Variants in MCC observed in about 807,000 individuals in gnomAD.
MCC encodes the protein MCC regulator of Wnt signaling pathway.
A neutral mutation model predicts 116.2 loss-of-function variants in MCC; 90 were observed. The ratio of observed to expected loss-of-function variants is 0.77; its 90% CI spans 0.65 to 0.92. The LOEUF is 0.92. Ranked by LOEUF, MCC falls within the 40% of genes least tolerant of loss-of-function variation. The pLI, the probability that MCC is intolerant of heterozygous loss-of-function variation, is 0.00. For missense variants in MCC, 1,516 were observed against 1,312.2 expected, an observed-to-expected ratio of 1.16 and a Z score of -2.40; for synonymous variants, 578 against 510.5, an observed-to-expected ratio of 1.13 and a Z score of -1.78.
chr5:113,480,334 C>T (rs1434702738), intron 1 of MCC, among the ~76,000 whole-genome samples: 1 of 152,196 alleles, frequency 6.6e-6, no homozygotes, highest in East Asian at 1.9e-4. Context: ...TAACACAGTA[C>T]ATGGAACAAT....
intron 3 of MCC, among the ~76,000 whole-genome samples, chr5:113,200,402 T>G: frequency 6.6e-6 from 1 of 152,176 alleles, no homozygotes; most frequent in South Asian, 2.1e-4. Flanking sequence ...GACTTGACAG[T>G]GAACCACGAG....
At chr5:113,105,526 G>A (rs1756678455) in intron 6 of MCC, among the ~76,000 whole-genome samples, 1 of 152,032 alleles carries the variant, frequency 6.6e-6, no homozygotes, top group Non-Finnish European at 1.5e-5. Context: ...GTTCCTCCCC[G>A]ATCTCTCCCA....
At chr5:113,334,147 T>C (rs1767814332) in intron 3 of MCC, among the ~76,000 whole-genome samples, 1 of 148,290 alleles carries the variant, frequency 6.7e-6, no homozygotes, top group Non-Finnish European at 1.5e-5. Context: ...CTGCTGTATA[T>C]AGAAAGTGAA....
chr5:113,434,357 G>A lies in MCC; in HGVS notation c.171-49145C>T, dbSNP rs111560230. 144 of 1,613,870 alleles carry A rather than the reference G, an allele frequency of 8.9e-5. 2 individuals carry two copies. The African/African-American group carries it at 1.7e-3, about 19-fold the overall frequency. On this transcript the variant is annotated intron_variant, in intron 1 of 18. Coordinates refer to ENST00000408903, the MANE Select transcript of MCC (RefSeq NM_001085377.2). The surrounding 1 kb of genome is among the most constrained non-coding windows in gnomAD (Gnocchi z 4.2). ...CCATTCGACCACTGTCATCCCGCAGGCAGCGCTTGGAGAAGCTGAAGTCGG... is the reference window on the plus strand; with the variant it reads ...CCATTCGACCACTGTCATCCCGCAGACAGCGCTTGGAGAAGCTGAAGTCGG...
At chr5:113,207,828 C>A (rs978088445) in intron 3 of MCC, among the ~76,000 whole-genome samples, 4 of 152,120 alleles carry the variant, frequency 2.6e-5, no homozygotes, top group Non-Finnish European at 5.9e-5. Context: ...AACAAGATGT[C>A]CTTTGGTAAC....
chr5:113,291,269 G>A (rs1766484819), intron 3 of MCC, among the ~76,000 whole-genome samples: 1 of 152,128 alleles, frequency 6.6e-6, no homozygotes, highest in Admixed American at 6.5e-5. Flanking sequence ...TATCTCCCTA[G>A]TATCCAAGCA....
intron 1 of MCC, among the ~76,000 whole-genome samples, chr5:113,398,141 C>T (rs1769581872): frequency 6.6e-6 from 1 of 152,224 alleles, no homozygotes; most frequent in South Asian, 2.1e-4. Flanking sequence ...GAGGTACCAT[C>T]TCACACTAGT....
intron 3 of MCC, among the ~76,000 whole-genome samples, chr5:113,256,019 C>A (rs568941287): frequency 2.1e-4 from 32 of 152,332 alleles, no homozygotes; most frequent in Non-Finnish European, 3.2e-4. Context: ...AACAATGGCA[C>A]AGATGAGCCA....
chr5:113,052,213 T>TA (rs1303593004), intron 15 of MCC, among the ~76,000 whole-genome samples: 1 of 152,200 alleles, frequency 6.6e-6, no homozygotes, highest in African/African-American at 2.4e-5. Flanking sequence ...AGGAAATCCT[T>TA]AGTCTTTGGC....
At chr5:113,349,051 A>C (rs2150381401) in intron 2 of MCC, among the ~76,000 whole-genome samples, 1 of 152,094 alleles carries the variant, frequency 6.6e-6, no homozygotes, top group East Asian at 1.9e-4. Context: ...CATGAGCGTG[A>C]AGCCATAATG....
chr5:113,345,469 G>A (rs1415041954), intron 2 of MCC, among the ~76,000 whole-genome samples: 4 of 152,336 alleles, frequency 2.6e-5, no homozygotes, highest in African/African-American at 7.2e-5. Context: ...ATCCAGTGCT[G>A]TGCAGACTTC....
chr5:113,129,041 A>C (rs1431985051), intron 5 of MCC, among the ~76,000 whole-genome samples: 2 of 151,994 alleles, frequency 1.3e-5, no homozygotes, highest in African/African-American at 4.8e-5. Flanking sequence ...GTAGATAGAG[A>C]CTCTGGGATG....
At chr5:113,380,012 A>T (rs578245065) in intron 2 of MCC, among the ~76,000 whole-genome samples, 1 of 152,322 alleles carries the variant, frequency 6.6e-6, no homozygotes, top group Admixed American at 6.5e-5. Flanking sequence ...ATTTATAACC[A>T]TCTCTTTAAA....
chr5:113,378,969 T>C (rs558198217), intron 2 of MCC, among the ~76,000 whole-genome samples: 1 of 152,116 alleles, frequency 6.6e-6, no homozygotes, highest in Non-Finnish European at 1.5e-5. Context: ...TGAACCTAGA[T>C]TATTTGTTTT....
chr5:113,231,357 T>C (rs1037857970), intron 3 of MCC, among the ~76,000 whole-genome samples: 8 of 152,224 alleles, frequency 5.3e-5, no homozygotes, highest in African/African-American at 1.7e-4. Context: ...CCAGTAAATA[T>C]GCTTCCATCT....
rs114271569 is a variant in MCC, at chr5:113,236,168, T to G, written c.628-84746A>C. Among the ~76,000 whole-genome samples, 484 of 152,176 alleles carry G rather than the reference T, an allele frequency of 3.2e-3. 3 individuals are homozygous for G. The highest frequency in any genetic ancestry group is 0.011 in the African/African-American group (458 of 41,510). ...GTCACACTCCCATGACAATATGAGA[T>G]GGCAGCTGAGAGAGGTGAGGTATGC... On this transcript the variant is annotated intron_variant, in intron 3 of 18. Coordinates refer to ENST00000408903, the MANE Select transcript of MCC (RefSeq NM_001085377.2).
At chr5:113,251,758 C>A (rs665034) in intron 3 of MCC, among the ~76,000 whole-genome samples, 1 of 152,224 alleles carries the variant, frequency 6.6e-6, no homozygotes. Context: ...CCCAAACATG[C>A]CTATGGGCTG....
At chr5:113,183,111 T>C (rs868279674) in intron 3 of MCC, among the ~76,000 whole-genome samples, 1 of 152,174 alleles carries the variant, frequency 6.6e-6, no homozygotes, top group Admixed American at 6.5e-5. Context: ...GGTCCGTGGC[T>C]GCCAGATGAT....
At chr5:113,172,657 A>G (rs1241205587) in intron 3 of MCC, among the ~76,000 whole-genome samples, 2 of 152,228 alleles carry the variant, frequency 1.3e-5, no homozygotes, top group Non-Finnish European at 2.9e-5. Flanking sequence ...TGGGCGTACC[A>G]TAACTTAGCC....
Sources: gnomAD v4.1 joint callset for allele counts (sites outside exome capture counted in the v4.1 genomes callset) on GRCh38, gnomAD v4.1.1 for gene constraint, Gnocchi (gnomAD v3.1) non-coding constraint, MANE v1.5 for transcripts, NCBI Gene and HGNC (gene_info 2026-07-23, HGNC 2026-07-21) for gene names.